Variants in MROH1 observed in about 807,000 individuals in gnomAD.
The protein encoded by MROH1 is maestro heat like repeat family member 1, also known as maestro heat-like repeat-containing protein family member 1.
MROH1 carries 117 observed loss-of-function variants against 116.5 expected under a neutral mutation model. That is an observed-to-expected ratio of 1.00 (90% confidence interval 0.86 to 1.17). MROH1 has a LOEUF of 1.17. Ranked by LOEUF, MROH1 falls within the 50% of genes most tolerant of loss-of-function variation. The pLI is 0.00. For missense variants in MROH1, 1,873 were observed against 1,338.5 expected (o/e 1.40, Z -6.23); for synonymous variants, 921 against 583.9 (o/e 1.58, Z -8.32).
At chr8:144,187,827 C>T (rs1243174892) in intron 7 of MROH1, among the ~76,000 whole-genome samples, 2 of 152,154 alleles carry the variant, frequency 1.3e-5, no homozygotes, top group African/African-American at 4.8e-5. Context: ...AGGGCCTTTG[C>T]TCTTGCAGGG....
rs1189847404 is a variant in MROH1, at chr8:144,249,045, G to A, written c.3273+16G>A. 4 of 696,576 alleles carry A rather than the reference G, an allele frequency of 5.7e-6. No homozygotes were observed. The highest frequency in any genetic ancestry group is 1.8e-5 in the African/African-American group (1 of 56,262). 43.1% of individuals were successfully genotyped at this position (696,576 alleles called of 1,614,324 possible). On this transcript the variant is annotated intron_variant, in intron 32 of 43. Coordinates refer to ENST00000326134, the MANE Select transcript of MROH1 (RefSeq NM_032450.3). ...CCAGGAGAAGGTGGGAGAGGGCGGG[G>A]CGCGGGGGGTGCTCCAGGAGAAGGT...
At chr8:144,239,868 G>T in intron 18 of MROH1, 113 bp downstream of exon 18, 1 of 685,570 alleles carries the variant, frequency 1.5e-6, no homozygotes, top group Non-Finnish European at 2.7e-6. Flanking sequence ...GTGGCCAATG[G>T]GGACTAGGGT....
intron 3 of MROH1, among the ~76,000 whole-genome samples, chr8:144,167,452 TGTG>T (rs1459723423): frequency 2.6e-4 from 28 of 107,998 alleles, no homozygotes; most frequent in Non-Finnish European, 4.7e-4. Context: ...GGCCGGTTGT[TGTG>T]GTGGAGTGGC....
At chr8:144,208,709 A>G (rs550625912) in intron 12 of MROH1, among the ~76,000 whole-genome samples, 1 of 151,870 alleles carries the variant, frequency 6.6e-6, no homozygotes, top group East Asian at 1.9e-4. Flanking sequence ...CCTTACACCA[A>G]TATCACACTT....
rs1019696787 is a variant in MROH1, at chr8:144,241,169, C to T, written c.2055+58C>T. ...ACCCCAGGGCTGGAGGACGGTGGCA[C>T]CTGCTGTTCTCTGAGGCAGCTGGCT... On this transcript the variant is annotated intron_variant, in intron 21 of 43. Transcript: ENST00000326134. The T allele has an allele frequency of 8.4e-5, 60 of 716,820 alleles. No homozygotes were observed. The African/African-American group carries it at 9.6e-4, about 11-fold the overall frequency. The allele number at this position is 716,820 out of a possible 1,614,324, so 44.4% of individuals were successfully genotyped here. A position where few individuals can be genotyped will look rare whatever the true frequency, so the allele number is the denominator to read the frequency against.
chr8:144,261,374 T>C (rs1385771193), intron 43 of MROH1, 25 bp downstream of exon 43: 3 of 701,144 alleles, frequency 4.3e-6, no homozygotes, highest in Admixed American at 2.0e-5. Context: ...ACGGGGCCCC[T>C]CCGCTGGGCC....
chr8:144,226,632 C>T (rs1288566534), intron 14 of MROH1, among the ~76,000 whole-genome samples: 1 of 151,952 alleles, frequency 6.6e-6, no homozygotes, highest in Non-Finnish European at 1.5e-5. Context: ...TTTGTATTTT[C>T]AGTAGAGATG....
chr8:144,191,648 TG>T lies in MROH1; in HGVS notation c.715-65del, dbSNP rs1828628766. 7 of 1,580,220 alleles carry T rather than the reference TG, an allele frequency of 4.4e-6. No individual in the cohort carries two copies. In the East Asian group the frequency reaches 1.6e-4, roughly 36 times the overall value. On this transcript the variant is annotated intron_variant, in intron 8 of 43. Transcript: ENST00000326134. ...GTTCACGTCCGTCACGGGTGCTTGC[TG>T]GACATGCTCTGAGCAGTCGGTGTTG... is the stretch of plus-strand genomic sequence containing the variant.
intron 10 of MROH1, among the ~76,000 whole-genome samples, chr8:144,193,632 G>A (rs548851028): frequency 2.3e-4 from 35 of 152,012 alleles, no homozygotes; most frequent in Non-Finnish European, 4.7e-4. Context: ...TTTTGAGATG[G>A]AGTTTCGCTC....
chr8:144,153,419 A>T (rs1817327588), intron 1 of MROH1, among the ~76,000 whole-genome samples: 1 of 151,170 alleles, frequency 6.6e-6, no homozygotes, highest in Non-Finnish European at 1.5e-5. Flanking sequence ...CTGGTCTCGA[A>T]CTCCTGACCT....
At chr8:144,253,213 G>A (rs1479094534) in intron 33 of MROH1, among the ~76,000 whole-genome samples, 1 of 152,008 alleles carries the variant, frequency 6.6e-6, no homozygotes, top group African/African-American at 2.4e-5. Context: ...GTGAGCTAAG[G>A]ATGGGTTCTA....
At position 144,148,811 on chromosome 8, in the gene MROH1, A is replaced by G. The variant is rs1030891594; in HGVS notation, c.-177+735A>G. 1,310 of 152,962 alleles carry G rather than the reference A, an allele frequency of 8.6e-3. 10 individuals carry two copies. Among genetic ancestry groups the G allele is most frequent in the Middle Eastern group, 0.024 (7 of 296 alleles). 9.5% of individuals were successfully genotyped at this position (152,962 alleles called of 1,614,324 possible). A position where few individuals can be genotyped will look rare whatever the true frequency, so the allele number is the denominator to read the frequency against. On this transcript the variant is annotated intron_variant, in intron 1 of 43. Coordinates refer to ENST00000326134, the MANE Select transcript of MROH1 (RefSeq NM_032450.3). ...GCGGGCGCTGGTGGCTCGGTCCTAC[A>G]CACTCTGGGGAGGGGCTCCTTTGCC... is the stretch of plus-strand genomic sequence containing the variant.
Position 144,260,895 on chromosome 8 carries a change from C to A in MROH1, c.4537-12C>A. 1 of 777,578 alleles carries A rather than the reference C, an allele frequency of 1.3e-6. No individual in the cohort carries two copies. The highest frequency in any genetic ancestry group is 2.4e-6 in the Non-Finnish European group (1 of 417,752). The allele number at this position is 777,578 out of a possible 1,614,324, so 48.2% of individuals were successfully genotyped here. On this transcript the variant is annotated splice_polypyrimidine_tract_variant and intron_variant, in intron 40 of 43. Coordinates refer to ENST00000326134, the MANE Select transcript of MROH1 (RefSeq NM_032450.3). ...CCTCAACTGGACTTGGCCCCAGTGC[C>A]GCATCCCTTAGGCCTGCAGGTTTGC...
intron 4 of MROH1, among the ~76,000 whole-genome samples, chr8:144,170,995 A>G (rs997088888): frequency 6.6e-6 from 1 of 152,232 alleles, no homozygotes; most frequent in African/African-American, 2.4e-5. Flanking sequence ...CCACGCAACA[A>G]TCAACACAGA....
At chr8:144,257,891 C>T (rs1844200946) in intron 35 of MROH1, among the ~76,000 whole-genome samples, 2 of 152,192 alleles carry the variant, frequency 1.3e-5, no homozygotes, top group African/African-American at 2.4e-5. Flanking sequence ...GTGAGGTGCT[C>T]GAGGGCAGCG....
intron 10 of MROH1, among the ~76,000 whole-genome samples, chr8:144,196,681 G>T (rs1409048302): frequency 6.6e-6 from 1 of 151,840 alleles, no homozygotes; most frequent in Admixed American, 6.6e-5. Context: ...TATTTAATCT[G>T]TCTGGGATTT....
At chr8:144,206,229 A>G (rs2131988400) in intron 12 of MROH1, among the ~76,000 whole-genome samples, 1 of 152,138 alleles carries the variant, frequency 6.6e-6, no homozygotes, top group African/African-American at 2.4e-5. Context: ...TTCTGTCACC[A>G]TAATTAATTC....
At chr8:144,214,327 C>G (rs1288200539) in intron 12 of MROH1, 2 of 152,314 alleles carry the variant, frequency 1.3e-5, no homozygotes, top group East Asian at 3.8e-4. Context: ...CTGCACCTCT[C>G]CTGATGCTGC....
intron 32 of MROH1, among the ~76,000 whole-genome samples, chr8:144,249,704 C>T (rs1025431697): frequency 8.5e-5 from 3 of 35,266 alleles, no homozygotes; most frequent in South Asian, 6.7e-4. Flanking sequence ...AACTCACAGC[C>T]CCCCCCAAGT....
Sources: gnomAD v4.1 joint callset for allele counts (sites outside exome capture counted in the v4.1 genomes callset) on GRCh38, gnomAD v4.1.1 for gene constraint, MANE v1.5 for transcripts, NCBI Gene and HGNC (gene_info 2026-07-23, HGNC 2026-07-21) for gene names.